The following MYL12A variants were observed in gnomAD, a reference collection of about 807,000 sequenced individuals.
MYL12A encodes myosin regulatory light chain 12A.
A neutral mutation model predicts 13.3 loss-of-function variants in MYL12A; 11 were observed. The observed-to-expected ratio is 0.83, with a 90% CI of 0.52 to 1.37. The LOEUF (loss-of-function observed/expected upper bound fraction) is 1.37. Among genes scored for constraint, MYL12A ranks in the 40% most tolerant of loss-of-function variants. MYL12A has a pLI of 0.00. For missense variants in MYL12A, 146 were observed against 212.3 expected (o/e 0.69, Z 1.94); for synonymous variants, 51 against 69.9 (o/e 0.73, Z 1.35).
At chr18:3,251,015 T>C (rs972047930) in intron 1 of MYL12A, among the ~76,000 whole-genome samples, 1 of 147,576 alleles carries the variant, frequency 6.8e-6, no homozygotes, top group Non-Finnish European at 1.5e-5. Context: ...TCTTAGCTAG[T>C]ATTCAACATA....
At chr18:3,252,508 G>GT (rs1206759839) in intron 1 of MYL12A, 1 of 1,229,764 alleles carries the variant, frequency 8.1e-7, no homozygotes, top group East Asian at 2.7e-5. Context: ...TAGTTTCTAC[G>GT]TTTAAGATGT....
chr18:3,254,525 C>G (rs963855145), intron 3 of MYL12A, among the ~76,000 whole-genome samples: 1 of 152,212 alleles, frequency 6.6e-6, no homozygotes, highest in South Asian at 2.1e-4. Context: ...TCAAATTCCT[C>G]TTCCACATAA....
chr18:3,252,607 T>C (rs2081497063), intron 1 of MYL12A: 1 of 549,736 alleles, frequency 1.8e-6, no homozygotes, highest in African/African-American at 2.0e-5. Context: ...AGTGTGACTG[T>C]AATGCAAGAA....
intron 1 of MYL12A, 69 bp downstream of exon 1, chr18:3,247,978 G>GGGC (rs1432919691): frequency 6.6e-6 from 1 of 152,392 alleles, no homozygotes; most frequent in African/African-American, 2.4e-5. Context: ...GGCAGCTGGA[G>GGGC]GGCGGCGGGG....
chr18:3,251,637 G>A (rs1394611963), intron 1 of MYL12A, among the ~76,000 whole-genome samples: 1 of 152,074 alleles, frequency 6.6e-6, no homozygotes, highest in Non-Finnish European at 1.5e-5. Context: ...TATAACAGAC[G>A]AGGAAAGTAC....
At chr18:3,250,262 A>T (rs1598795726) in intron 1 of MYL12A, among the ~76,000 whole-genome samples, 1 of 152,378 alleles carries the variant, frequency 6.6e-6, no homozygotes, top group East Asian at 1.9e-4. Context: ...GGTATACCCT[A>T]GTTTTCTAAA....
intron 3 of MYL12A, 127 bp from the exon 4 acceptor site, chr18:3,255,619 C>G: frequency 8.2e-7 from 1 of 1,217,692 alleles, no homozygotes; most frequent in Non-Finnish European, 1.1e-6. Flanking sequence ...GGTGGACACC[C>G]TGTAGTTCAT....
At chr18:3,249,781 G>T (rs1459153459) in intron 1 of MYL12A, 3 of 152,214 alleles carry the variant, frequency 2.0e-5, no homozygotes, top group African/African-American at 4.8e-5. Flanking sequence ...GGTGGTGGGT[G>T]CCTGTAATCC....
At chr18:3,254,099 T>C in intron 3 of MYL12A, 49 bp downstream of exon 3, 7 of 1,574,468 alleles carry the variant, frequency 4.4e-6, no homozygotes, top group Non-Finnish European at 5.2e-6. Context: ...TTTTTAGTTA[T>C]GGTAACTAAA....
At chr18:3,250,922 C>T (rs1318007605) in intron 1 of MYL12A, among the ~76,000 whole-genome samples, 2 of 152,098 alleles carry the variant, frequency 1.3e-5, no homozygotes, top group East Asian at 1.9e-4. Context: ...ATAAGTTGAA[C>T]CAATCATCTC....
intron 1 of MYL12A, chr18:3,249,913 A>G (rs1005896583): frequency 5.4e-5 from 6 of 110,152 alleles, no homozygotes; most frequent in Admixed American, 2.4e-4. Flanking sequence ...AAATAAATAA[A>G]AATAAATAAG....
At chr18:3,252,313 A>G in intron 1 of MYL12A, 6 of 1,532,936 alleles carry the variant, frequency 3.9e-6, no homozygotes, top group Non-Finnish European at 4.4e-6. Flanking sequence ...CTTCCCTGCA[A>G]CTCTGAAGGA....
At chr18:3,250,905 T>C (rs1436496411) in intron 1 of MYL12A, among the ~76,000 whole-genome samples, 1 of 152,230 alleles carries the variant, frequency 6.6e-6, no homozygotes, top group Non-Finnish European at 1.5e-5. Context: ...AAACTATGAC[T>C]CATTTCATAA....
chr18:3,248,266 C>T (rs1056088), intron 1 of MYL12A: 90,789 of 152,018 alleles, frequency 0.6, 28,216 homozygotes, highest in Admixed American at 0.69. Flanking sequence ...CCCGTTGTCC[C>T]CCTGCTGCAG....
intron 2 of MYL12A, 22 bp downstream of exon 2, chr18:3,253,450 A>C (rs2144329990): frequency 6.2e-7 from 1 of 1,606,458 alleles, no homozygotes; most frequent in East Asian, 2.2e-5. Context: ...TTTAAATATT[A>C]ATCTATTGGA....
In MYL12A at chr18:3,256,010, ATT is replaced by A. The variant is rs2081534087; in HGVS notation, c.*94_*95del. ...ATGCCCTTAGCTTTACAGCTTTTGC[ATT>A]TCCTGTTGTATTTATTCTCAGCCAT... On this transcript the variant is annotated 3_prime_UTR_variant, in exon 4 of 4. Coordinates refer to ENST00000217652, the MANE Select transcript of MYL12A (RefSeq NM_006471.4). 1 of 1,483,798 alleles carries A rather than the reference ATT, an allele frequency of 6.7e-7. No individual in the cohort carries two copies. The highest frequency in any genetic ancestry group is 9.1e-7 in the Non-Finnish European group (1 of 1,097,818). The allele number at this position is 1,483,798 out of a possible 1,614,324, so 91.9% of individuals were successfully genotyped here. A position where few individuals can be genotyped will look rare whatever the true frequency, so the allele number is the denominator to read the frequency against.
intron 1 of MYL12A, chr18:3,248,704 A>G (rs922788972): frequency 1.3e-5 from 2 of 152,170 alleles, no homozygotes; most frequent in South Asian, 2.1e-4. Context: ...AAAGCACTCT[A>G]TTTTCAAAAG....
chr18:3,249,608 C>A (rs2081464514), intron 1 of MYL12A: 1 of 152,140 alleles, frequency 6.6e-6, no homozygotes, highest in African/African-American at 2.4e-5. Context: ...TTCACTTAAT[C>A]CCTCAAAAAT....
chr18:3,251,194 C>G (rs1246870007), intron 1 of MYL12A, among the ~76,000 whole-genome samples: 1 of 148,928 alleles, frequency 6.7e-6, no homozygotes, highest in Non-Finnish European at 1.5e-5. Context: ...AATACATTTA[C>G]AATTCAAAAA....
Sources: allele counts gnomAD v4.1 joint callset (sites outside exome capture counted in the v4.1 genomes callset), GRCh38; gene constraint gnomAD v4.1.1; transcripts MANE v1.5; gene names NCBI Gene and HGNC (gene_info 2026-07-23, HGNC 2026-07-21).